Variants in ENKUR observed in about 807,000 individuals in gnomAD.
The protein encoded by ENKUR is enkurin.
In ENKUR, 19 loss-of-function variants were observed where a neutral mutation model predicts 27.6. The observed-to-expected ratio is 0.69, with a 90% CI of 0.48 to 1.01. ENKUR has a LOEUF of 1.01. Among genes scored for constraint, ENKUR ranks in the 50% least tolerant of loss-of-function variants. The pLI is 0.00. For missense variants in ENKUR, 312 were observed against 310.5 expected (o/e 1.00, Z -0.04); for synonymous variants, 117 against 96.9 (o/e 1.21, Z -1.22).
At chr10:25,025,644 G>A (rs1350875780) in intron 2 of ENKUR, 8 of 612,514 alleles carry the variant, frequency 1.3e-5, no homozygotes. Context: ...TAATCTGGAA[G>A]TGACAAAAGG....
intron 2 of ENKUR, among the ~76,000 whole-genome samples, chr10:25,034,167 G>C (rs1238165866): frequency 1.3e-5 from 2 of 151,810 alleles, no homozygotes; most frequent in African/African-American, 4.8e-5. Flanking sequence ...ATTTTTATTT[G>C]TAATTTTGTG....
intron 2 of ENKUR, among the ~76,000 whole-genome samples, chr10:25,057,768 A>AT (rs2130497766): frequency 6.6e-6 from 1 of 152,034 alleles, no homozygotes; most frequent in African/African-American, 2.4e-5. Context: ...TTTGACCAGC[A>AT]TTTTTTGTTT....
At chr10:25,034,157 ATTT>A (rs1449882099) in intron 2 of ENKUR, among the ~76,000 whole-genome samples, 1 of 152,000 alleles carries the variant, frequency 6.6e-6, no homozygotes, top group African/African-American at 2.4e-5. Context: ...CGTATTATTT[ATTT>A]TTATTTGTAA....
At chr10:25,042,542 G>T (rs529611408) in intron 2 of ENKUR, among the ~76,000 whole-genome samples, 15 of 152,116 alleles carry the variant, frequency 9.9e-5, no homozygotes, top group African/African-American at 3.6e-4. Flanking sequence ...TGATCCACCC[G>T]CCTTGGCCTC....
In ENKUR at chr10:25,041,433, A is replaced by G. The variant is rs190496432; in HGVS notation, c.37+19679T>C. Among the ~76,000 whole-genome samples the G allele has an allele frequency of 3.1e-3, 467 of 152,186 alleles. 2 individuals are homozygous for G. The highest frequency in any genetic ancestry group is 4.5e-3 in the Non-Finnish European group (309 of 67,992). On this transcript the variant is annotated intron_variant, in intron 2 of 5. Coordinates refer to the ENKUR transcript ENST00000615958. ...TTGAATCTACACATTTATGTCTTTC[A>G]CCAAATATTGGAAAGCTTTTGGCCA...
intron 2 of ENKUR, among the ~76,000 whole-genome samples, chr10:25,027,708 C>T (rs1850883999): frequency 6.6e-6 from 1 of 151,632 alleles, no homozygotes; most frequent in African/African-American, 2.4e-5. Flanking sequence ...GGTGAAACCC[C>T]ATCTCTACAA....
intron 2 of ENKUR, among the ~76,000 whole-genome samples, chr10:25,055,421 G>T (rs1851243384): frequency 6.6e-6 from 1 of 151,692 alleles, no homozygotes; most frequent in Admixed American, 6.6e-5. Flanking sequence ...CATAGGCATA[G>T]CCTTAACCCA....
At position 25,008,984 on chromosome 10, in the gene ENKUR, T is replaced by G. The variant is rs538101065; in HGVS notation, c.77+6876A>C. 2.0e-4 allele frequency among the ~76,000 whole-genome samples: 31 copies of G among 152,240 alleles called. No homozygotes were observed. The South Asian group carries it at 6.2e-3, about 31-fold the overall frequency. On this transcript the variant is annotated intron_variant, in intron 1 of 5. Transcript: ENST00000331161. ...ACATGGATGAAGCTAGAAACCATCA[T>G]TCTCAGCAAACTATCACAAGGACAA...
At chr10:25,023,432 C>T (rs751754032) in intron 2 of ENKUR, 1 of 1,614,060 alleles carries the variant, frequency 6.2e-7, no homozygotes. Flanking sequence ...GGGAAAACAA[C>T]AGTAGGCAGA....
At chr10:24,988,042 G>A (rs781472874) in intron 4 of ENKUR, among the ~76,000 whole-genome samples, 10 of 151,764 alleles carry the variant, frequency 6.6e-5, no homozygotes, top group Middle Eastern at 3.4e-3. Flanking sequence ...GCAACACAGC[G>A]AAACCCCATC....
At chr10:25,033,907 G>A (rs537698898) in intron 2 of ENKUR, among the ~76,000 whole-genome samples, 1 of 151,752 alleles carries the variant, frequency 6.6e-6, no homozygotes, top group Non-Finnish European at 1.5e-5. Context: ...GGATGTGGAC[G>A]TACATCTATC....
intron 5 of ENKUR, 135 bp downstream of exon 5, chr10:24,984,601 G>A: frequency 9.4e-7 from 1 of 1,067,424 alleles, no homozygotes; most frequent in South Asian, 1.8e-5. Context: ...TTTGCATATT[G>A]CCTAAGCATT....
At chr10:25,059,476 C>A (rs1409425886) in intron 2 of ENKUR, among the ~76,000 whole-genome samples, 1 of 152,128 alleles carries the variant, frequency 6.6e-6, no homozygotes, top group African/African-American at 2.4e-5. Flanking sequence ...GTATGGAGAT[C>A]TGTATATAAC....
chr10:25,053,673 C>T (rs1008495039), intron 2 of ENKUR, among the ~76,000 whole-genome samples: 2 of 152,082 alleles, frequency 1.3e-5, no homozygotes, highest in Non-Finnish European at 2.9e-5. Context: ...TTTTACTGCA[C>T]CATAATTTAT....
upstream of ENKUR, among the ~76,000 whole-genome samples, chr10:25,021,138 T>C (rs1242695641): frequency 2.6e-5 from 4 of 152,198 alleles, no homozygotes; most frequent in Non-Finnish European, 4.4e-5. Flanking sequence ...GCCTTGTACC[T>C]ACATATTTGG....
At chr10:25,036,889 A>C (rs1409553250) in intron 2 of ENKUR, among the ~76,000 whole-genome samples, 1 of 152,166 alleles carries the variant, frequency 6.6e-6, no homozygotes, top group Non-Finnish European at 1.5e-5. Flanking sequence ...CCTTCAGGCT[A>C]TGATGGTGTT....
In ENKUR at chr10:24,984,687, T is replaced by G. The variant is rs756048836; in HGVS notation, c.764+49A>C. 3.1e-5 allele frequency: 46 copies of G among 1,505,598 alleles called. No individual in the cohort carries two copies. In the South Asian group the frequency reaches 5.6e-4, roughly 18 times the overall value. 93.3% of individuals were successfully genotyped at this position (1,505,598 alleles called of 1,614,324 possible). A position where few individuals can be genotyped will look rare whatever the true frequency, so the allele number is the denominator to read the frequency against. ...CTTGGAGTTTTTTATATTTTCCATGTTTTTTTCCCCTACATTGAAATTGTT... is the reference window on the plus strand; with the variant it reads ...CTTGGAGTTTTTTATATTTTCCATGGTTTTTTCCCCTACATTGAAATTGTT... On this transcript the variant is annotated intron_variant, in intron 5 of 5. Coordinates refer to ENST00000331161, the MANE Select transcript of ENKUR (RefSeq NM_145010.4).
At chr10:24,990,962 T>C (rs1047959165) in intron 3 of ENKUR, among the ~76,000 whole-genome samples, 1 of 152,152 alleles carries the variant, frequency 6.6e-6, no homozygotes, top group Non-Finnish European at 1.5e-5. Flanking sequence ...TAGCCAGGCA[T>C]CGTGGCATGT....
In ENKUR at chr10:24,995,565, T is replaced by C. The variant is rs537891262; in HGVS notation, c.447+81A>G. 2.7e-4 allele frequency: 340 copies of C among 1,246,602 alleles called. 3 individuals are homozygous for C. In the Middle Eastern group the frequency reaches 4.3e-3, roughly 16 times the overall value. The allele number at this position is 1,246,602 out of a possible 1,614,324, so 77.2% of individuals were successfully genotyped here. On this transcript the variant is annotated intron_variant, in intron 3 of 5. Coordinates refer to ENST00000331161, the MANE Select transcript of ENKUR (RefSeq NM_145010.4). ...ATGTGTCCAATGAGAGCACTAATAA[T>C]GATAACATAGATGATCATCATGAAC...
Sources: allele counts gnomAD v4.1 joint callset (sites outside exome capture counted in the v4.1 genomes callset), GRCh38; gene constraint gnomAD v4.1.1; transcripts MANE v1.5; gene names NCBI Gene and HGNC (gene_info 2026-07-23, HGNC 2026-07-21).